Variants in CRBN observed in about 807,000 individuals in gnomAD.
CRBN encodes the protein cereblon, also known as protein cereblon.
A neutral mutation model predicts 62.2 loss-of-function variants in CRBN; 53 were observed. The ratio of observed to expected loss-of-function variants is 0.85; its 90% CI spans 0.68 to 1.07. CRBN has a LOEUF of 1.07. Among genes scored for constraint, CRBN ranks in the 50% least tolerant of loss-of-function variants. The probability of loss-of-function intolerance (pLI) is 0.00; values close to 1 mark genes in which losing one functional copy is unlikely to be tolerated. For missense variants in CRBN, 616 were observed against 531.1 expected, an observed-to-expected ratio of 1.16 and a Z score of -1.57; for synonymous variants, 208 against 176.1, an observed-to-expected ratio of 1.18 and a Z score of -1.43.
intron 4 of CRBN, among the ~76,000 whole-genome samples, chr3:3,169,357 A>C (rs527278096): frequency 6.6e-6 from 1 of 152,300 alleles, no homozygotes; most frequent in Non-Finnish European, 1.5e-5. Context: ...GATTACAGCA[A>C]CATAATTTAT....
In CRBN at chr3:3,150,232, T is replaced by A. The variant is rs764009623; in HGVS notation, c.*633A>T. On this transcript the variant is annotated 3_prime_UTR_variant, in exon 11 of 11. Transcript: ENST00000231948. Reference sequence around the variant, plus strand: ...TACTGAGCAAATACACAATACTACTTTTTACTAACAGGCACATAAAGGAAA... The same window carrying A: ...TACTGAGCAAATACACAATACTACTATTTACTAACAGGCACATAAAGGAAA... 3.9e-5 allele frequency: 6 copies of A among 152,528 alleles called. No homozygotes were observed. The highest frequency in any genetic ancestry group is 3.9e-4 in the Admixed American group (6 of 15,324). The allele number at this position is 152,528 out of a possible 1,614,324, so 9.4% of individuals were successfully genotyped here.
At chr3:3,174,464 A>G (rs1707751041) in intron 2 of CRBN, among the ~76,000 whole-genome samples, 1 of 152,100 alleles carries the variant, frequency 6.6e-6, no homozygotes, top group African/African-American at 2.4e-5. Flanking sequence ...AACATGGTGG[A>G]ACCCTGTTGC....
intron 1 of CRBN, among the ~76,000 whole-genome samples, chr3:3,178,074 A>G (rs1707901268): frequency 6.6e-6 from 1 of 152,182 alleles, no homozygotes; most frequent in Non-Finnish European, 1.5e-5. Context: ...GTGAAGTCTG[A>G]TGACTCATCT....
chr3:3,156,875 TAA>T (rs1706913826), intron 5 of CRBN: 1 of 152,286 alleles, frequency 6.6e-6, no homozygotes, highest in Admixed American at 6.5e-5. Context: ...TAAGTCCATA[TAA>T]AAATGTGAAT....
chr3:3,156,873 T>C (rs1460121687), intron 5 of CRBN: 1 of 152,288 alleles, frequency 6.6e-6, no homozygotes, highest in Admixed American at 6.5e-5. Flanking sequence ...CCTAAGTCCA[T>C]ATAAAAATGT....
intron 10 of CRBN, among the ~76,000 whole-genome samples, chr3:3,152,048 A>G (rs1473708301): frequency 6.6e-6 from 1 of 152,238 alleles, no homozygotes; most frequent in Non-Finnish European, 1.5e-5. Context: ...TCTGAGGACA[A>G]CTGCAGTTGT....
chr3:3,171,507 C>T (rs1056785127), intron 4 of CRBN, among the ~76,000 whole-genome samples: 1 of 151,856 alleles, frequency 6.6e-6, no homozygotes, highest in East Asian at 1.9e-4. Flanking sequence ...TTGAGGGAGA[C>T]GTACATAAAA....
intron 3 of CRBN, 152 bp from the exon 4 acceptor site, chr3:3,173,077 A>G (rs1245706650): frequency 4.3e-6 from 3 of 700,056 alleles, no homozygotes; most frequent in African/African-American, 1.8e-5. Flanking sequence ...TATTTGTTTG[A>G]GATGGAGTCT....
chr3:3,153,677 A>G (rs1450703457), intron 8 of CRBN, 189 bp from the exon 9 acceptor site: 2 of 623,212 alleles, frequency 3.2e-6, no homozygotes, highest in African/African-American at 1.8e-5. Context: ...GATCTGCCAC[A>G]TATTTACATA....
At chr3:3,177,169 A>G (rs542530084) in intron 1 of CRBN, among the ~76,000 whole-genome samples, 1 of 152,316 alleles carries the variant, frequency 6.6e-6, no homozygotes, top group Admixed American at 6.5e-5. Flanking sequence ...TAGACTAACA[A>G]TAAAGAATTA....
rs763657143 is a variant in CRBN, at chr3:3,150,906, C to T, written c.1288G>A (p.Glu430Lys). 1.2e-6 allele frequency: 2 copies of T among 1,613,954 alleles called. No individual in the cohort carries two copies. The highest frequency in any genetic ancestry group is 2.2e-5 in the South Asian group (2 of 91,074). Residue 430 changes from glutamate (E) to lysine (K), a missense_variant, in exon 11 of 11, where the codon GAA becomes AAA. Glu to Lys is a moderately conservative substitution (Grantham distance 56). Coordinates refer to ENST00000231948, the MANE Select transcript of CRBN (RefSeq NM_016302.4). ...SALLPTIPDTEDEISPDKVIL... is the reference protein window; with the variant it reads ...SALLPTIPDTKDEISPDKVIL... ...ACTTTGTCTGGACTTATTTCATCTT[C>T]AGTGTCTGGGATCGTGGGCAACAGA...
intron 10 of CRBN, 97 bp downstream of exon 10, chr3:3,152,359 T>A: frequency 1.0e-5 from 13 of 1,299,712 alleles, no homozygotes. Flanking sequence ...CTACTTTTTA[T>A]TATAAAGATT....
intron 6 of CRBN, 183 bp from the exon 7 acceptor site, chr3:3,155,014 A>G: frequency 1.6e-6 from 1 of 609,144 alleles, no homozygotes; most frequent in Non-Finnish European, 2.9e-6. Flanking sequence ...TTTGCCCAGC[A>G]CTGTCTGCCT....
At chr3:3,177,982 G>A (rs1426870247) in intron 1 of CRBN, among the ~76,000 whole-genome samples, 1 of 150,862 alleles carries the variant, frequency 6.6e-6, no homozygotes, top group East Asian at 2.0e-4. Flanking sequence ...CTCTCCCGAC[G>A]CTTTTCTGAA....
In CRBN at chr3:3,167,806, G is replaced by C. The variant is rs369949127; in HGVS notation, c.528-13C>G. On this transcript the variant is annotated splice_polypyrimidine_tract_variant and intron_variant, in intron 4 of 10. Transcript: ENST00000231948. Reference sequence around the variant, plus strand: ...AGCTTGCTGGATTCTAAAATAAAGAGAACCAAGCATGGTATTCATTTCTAA... The same window carrying C: ...AGCTTGCTGGATTCTAAAATAAAGACAACCAAGCATGGTATTCATTTCTAA... 6.9e-5 allele frequency: 111 copies of C among 1,612,554 alleles called. 2 individuals carry two copies. The South Asian group carries it at 8.2e-4, about 12-fold the overall frequency.
rs771439054 is a variant in CRBN at position 3,150,977 on chromosome 3, T to C, written c.1217A>G (p.Lys406Arg). The change falls in exon 11 of 11, where the codon AAA becomes AGA. Residue 406 changes from lysine to arginine, a missense_variant. Physicochemically the swap from Lys to Arg is conservative, Grantham distance 26. Coordinates refer to ENST00000231948, the MANE Select transcript of CRBN (RefSeq NM_016302.4). Reference sequence around the variant, plus strand: ...AAATTTTTGAGGTGACATGTCTTTTTTGGTGGCCGTAAACTTCCATCCAAT... The same window carrying C: ...AAATTTTTGAGGTGACATGTCTTTTCTGGTGGCCGTAAACTTCCATCCAAT... ...SHIGWKFTAT[K>R]KDMSPQKFWG... 3 of 1,614,086 alleles carry C rather than the reference T, an allele frequency of 1.9e-6. No homozygotes were observed. The highest frequency in any genetic ancestry group is 1.1e-5 in the South Asian group (1 of 91,080).
chr3:3,168,172 TC>T (rs761015639), intron 4 of CRBN, among the ~76,000 whole-genome samples: 1 of 152,088 alleles, frequency 6.6e-6, no homozygotes, highest in Non-Finnish European at 1.5e-5. Flanking sequence ...AATTCTTCTA[TC>T]CCCCCACTTC....
chr3:3,151,396 T>C (rs923423590), intron 10 of CRBN, among the ~76,000 whole-genome samples: 1 of 152,188 alleles, frequency 6.6e-6, no homozygotes, highest in African/African-American at 2.4e-5. Flanking sequence ...TCCTTTGTTG[T>C]ATTGCAGTCA....
Position 3,151,014 on chromosome 3 carries a change from A to C in CRBN, c.1180T>G (p.Cys394Gly). 1.2e-6 allele frequency: 2 copies of C among 1,613,920 alleles called. No homozygotes were observed. Among genetic ancestry groups the C allele is most frequent in the Non-Finnish European group, 1.7e-6 (2 of 1,179,936 alleles). ...AACTTCCATCCAATATGGCTTGCAC[A>C]GATCTTACACTGGGCAACAGTCCAG... ...YAWTVAQCKI[C>G]ASHIGWKFTA... The change falls in exon 11 of 11, where the codon TGT (cysteine) becomes GGT (glycine). Residue 394 changes from cysteine (C) to glycine (G), a missense_variant. Cys to Gly is a radical substitution (Grantham distance 159). Transcript: ENST00000231948.
Sources: allele counts gnomAD v4.1 joint callset (sites outside exome capture counted in the v4.1 genomes callset), GRCh38; gene constraint gnomAD v4.1.1; transcripts MANE v1.5; gene names NCBI Gene and HGNC (gene_info 2026-07-23, HGNC 2026-07-21).